ARFGEF3: variants seen among roughly 807,000 people sequenced by gnomAD.
ARFGEF3 encodes brefeldin A-inhibited guanine nucleotide-exchange protein 3.
A neutral mutation model predicts 221.7 loss-of-function variants in ARFGEF3; 96 were observed. The ratio of observed to expected loss-of-function variants is 0.43; its 90% CI spans 0.37 to 0.51. The LOEUF (loss-of-function observed/expected upper bound fraction) is 0.51. Among genes scored for constraint, ARFGEF3 ranks in the 20% least tolerant of loss-of-function variants. The probability of loss-of-function intolerance (pLI) is 0.00; values close to 1 mark genes in which losing one functional copy is unlikely to be tolerated. For missense variants in ARFGEF3, 2,410 were observed against 2,789.9 expected (o/e 0.86, Z 3.07); for synonymous variants, 1,145 against 1,126.8 (o/e 1.02, Z -0.32).
At chr6:138,321,621 T>A (rs1420797665) in intron 29 of ARFGEF3, among the ~76,000 whole-genome samples, 2 of 152,224 alleles carry the variant, frequency 1.3e-5, no homozygotes, top group Non-Finnish European at 2.9e-5. Context: ...GGAACCCTCG[T>A]ACACTGTTGG....
intron 2 of ARFGEF3, among the ~76,000 whole-genome samples, chr6:138,191,112 G>C (rs1777295900): frequency 6.6e-6 from 1 of 152,030 alleles, no homozygotes; most frequent in Non-Finnish European, 1.5e-5. Flanking sequence ...CTAGCTCACT[G>C]AGAAAGTTCC....
intron 2 of ARFGEF3, among the ~76,000 whole-genome samples, chr6:138,204,124 A>C: frequency 6.6e-6 from 1 of 151,682 alleles, no homozygotes; most frequent in East Asian, 2.0e-4. Context: ...GGATCACCTG[A>C]GGTAAGGAGT....
chr6:138,315,849 C>CAA (rs11374649), intron 26 of ARFGEF3, among the ~76,000 whole-genome samples: 20,745 of 137,704 alleles, frequency 0.15, 1,915 homozygotes, highest in East Asian at 0.47. Flanking sequence ...GACTGCATCT[C>CAA]AAAAAAAAAA....
At chr6:138,286,634 T>C (rs1033781675) in intron 15 of ARFGEF3, 67 bp from the exon 16 acceptor site, 2 of 1,257,328 alleles carry the variant, frequency 1.6e-6, no homozygotes, top group Middle Eastern at 1.9e-4. Context: ...AGCAAGAGAA[T>C]GTGATGTCAT....
chr6:138,175,351 A>C (rs1432669508), intron 2 of ARFGEF3, among the ~76,000 whole-genome samples: 1 of 152,110 alleles, frequency 6.6e-6, no homozygotes, highest in Non-Finnish European at 1.5e-5. Flanking sequence ...CTCCATGAGG[A>C]GACTGCACCC....
chr6:138,248,585 C>T (rs1778527838), intron 8 of ARFGEF3, among the ~76,000 whole-genome samples: 1 of 152,054 alleles, frequency 6.6e-6, no homozygotes, highest in Admixed American at 6.5e-5. Flanking sequence ...GTAGTTATGC[C>T]AGTTAGTAAT....
At chr6:138,246,200 G>T (rs1015863037) in intron 8 of ARFGEF3, among the ~76,000 whole-genome samples, 2 of 152,126 alleles carry the variant, frequency 1.3e-5, no homozygotes, top group African/African-American at 4.8e-5. Flanking sequence ...TGCACCTGTA[G>T]TAAAGCCAAA....
At position 138,253,953 on chromosome 6, in the gene ARFGEF3, C is replaced by A. The variant is rs758881688; in HGVS notation, c.739C>A (p.His247Asn). Reference sequence around the variant, plus strand: ...GCTCAGCAGCTCCTCCTCCTCCATGCACCTGCACAGGCGCTTCACGGACCT... The same window carrying A: ...GCTCAGCAGCTCCTCCTCCTCCATGAACCTGCACAGGCGCTTCACGGACCT... Reference protein sequence around the residue: ...SVLSSSSSSMHLHRRFTDLIW... With the variant: ...SVLSSSSSSMNLHRRFTDLIW... The change falls in exon 9 of 34, where the codon CAC (histidine) becomes AAC (asparagine). Residue 247 changes from histidine to asparagine, a missense_variant. By Grantham distance (68) the His-to-Asn change is moderately conservative (BLOSUM62 1). Around this residue, in one of 5 missense-constraint regions of ARFGEF3, gnomAD observed 570 missense variants for 586.9 expected, o/e 0.97. Coordinates refer to ENST00000251691, the MANE Select transcript of ARFGEF3 (RefSeq NM_020340.5). 1 of 1,596,860 alleles carries A rather than the reference C, an allele frequency of 6.3e-7. No individual in the cohort carries two copies. Among genetic ancestry groups the A allele is most frequent in the Non-Finnish European group, 8.5e-7 (1 of 1,172,164 alleles).
intron 2 of ARFGEF3, among the ~76,000 whole-genome samples, chr6:138,187,790 C>T (rs1437769614): frequency 6.6e-6 from 1 of 152,186 alleles, no homozygotes; most frequent in African/African-American, 2.4e-5. Context: ...TGTAGCCCAC[C>T]TCAGCATCCA....
chr6:138,290,081 A>G (rs1041797369), intron 18 of ARFGEF3, 113 bp downstream of exon 18: 14 of 994,622 alleles, frequency 1.4e-5, no homozygotes, highest in African/African-American at 6.5e-5. Flanking sequence ...ATGTAAATCA[A>G]TTATAACAAT....
At chr6:138,176,181 AT>A (rs3044799) in intron 2 of ARFGEF3, among the ~76,000 whole-genome samples, 12,587 of 136,822 alleles carry the variant, frequency 0.092, 966 homozygotes, top group African/African-American at 0.22. Context: ...TGGTAGTTGG[AT>A]TTTTTTTTTT....
intron 5 of ARFGEF3, among the ~76,000 whole-genome samples, chr6:138,237,439 G>A (rs1423908946): frequency 3.3e-5 from 5 of 152,172 alleles, no homozygotes; most frequent in African/African-American, 9.7e-5. Context: ...TGCCCATCCT[G>A]TAGCTTCCAG....
In ARFGEF3 at chr6:138,330,270, G is replaced by A. The variant is rs370472603; in HGVS notation, c.5123+2128G>A. ...CATGAGGGTGGAGCCCTCATGAATG[G>A]GAATCATGCCCTTAAGAGACAGCTC... On this transcript the variant is annotated intron_variant, in intron 32 of 33. Transcript: ENST00000251691. Among the ~76,000 whole-genome samples, 11 of 152,138 alleles carry A rather than the reference G, an allele frequency of 7.2e-5. 1 individual carries two copies. Among genetic ancestry groups the A allele is most frequent in the South Asian group, 4.2e-4 (2 of 4,810 alleles).
chr6:138,260,185 A>G lies in ARFGEF3; in HGVS notation c.1105-1342A>G, dbSNP rs183682530. 2.6e-4 allele frequency among the ~76,000 whole-genome samples: 40 copies of G among 152,292 alleles called. 1 individual carries two copies. The highest frequency in any genetic ancestry group is 2.5e-3 in the Admixed American group (39 of 15,300). On this transcript the variant is annotated intron_variant, in intron 10 of 33. Transcript: ENST00000251691. ...CCCCAGCCTTGTCACTCTTTTTTTG[A>G]TGTCAACAAAAAGTGGAAGCTTCGT...
chr6:138,239,274 C>A (rs1778349189), intron 6 of ARFGEF3, among the ~76,000 whole-genome samples: 1 of 152,206 alleles, frequency 6.6e-6, no homozygotes, highest in Non-Finnish European at 1.5e-5. Context: ...AAATCTGCCT[C>A]TGTCATAATT....
chr6:138,231,857 CA>C (rs1778198710), intron 5 of ARFGEF3, among the ~76,000 whole-genome samples: 2 of 152,248 alleles, frequency 1.3e-5, no homozygotes, highest in South Asian at 4.1e-4. Flanking sequence ...ATTAAGCTCT[CA>C]AAATGTAAAT....
At chr6:138,239,564 G>T (rs781033277) in intron 6 of ARFGEF3, among the ~76,000 whole-genome samples, 1 of 150,684 alleles carries the variant, frequency 6.6e-6, no homozygotes, top group African/African-American at 2.4e-5. Context: ...CAGGAGAATC[G>T]CTTGAACTCA....
intron 20 of ARFGEF3, among the ~76,000 whole-genome samples, chr6:138,295,399 C>G (rs1779488564): frequency 6.6e-6 from 1 of 151,682 alleles, no homozygotes; most frequent in Non-Finnish European, 1.5e-5. Context: ...GCGGGCAGAT[C>G]ACCTGAGGTC....
At chr6:138,228,039 G>C (rs1411061828) in intron 4 of ARFGEF3, among the ~76,000 whole-genome samples, 1 of 152,132 alleles carries the variant, frequency 6.6e-6, no homozygotes, top group African/African-American at 2.4e-5. Flanking sequence ...ACTGTCCTCA[G>C]CTTTCATCCC....
Sources: allele counts gnomAD v4.1 joint callset (sites outside exome capture counted in the v4.1 genomes callset), GRCh38; gene constraint gnomAD v4.1.1; regional missense constraint gnomAD v4.1.1; transcripts MANE v1.5; gene names NCBI Gene and HGNC (gene_info 2026-07-23, HGNC 2026-07-21).